Variants in KCNU1 observed in about 807,000 individuals in gnomAD.
KCNU1 encodes the protein potassium calcium-activated channel subfamily U member 1.
A neutral mutation model predicts 126.8 loss-of-function variants in KCNU1; 93 were observed. That is an observed-to-expected ratio of 0.73 (90% CI 0.62 to 0.87). KCNU1 has a LOEUF of 0.87. Ranked by LOEUF, KCNU1 falls within the 40% of genes least tolerant of loss-of-function variation. The pLI, the probability that KCNU1 is intolerant of heterozygous loss-of-function variation, is 0.00. For synonymous variants in KCNU1, 523 were observed against 494.2 expected, an observed-to-expected ratio of 1.06 and a Z score of -0.77; for missense variants, 1,330 against 1,367.1, an observed-to-expected ratio of 0.97 and a Z score of 0.43.
At position 36,814,343 on chromosome 8, in the gene KCNU1, G is replaced by A. The variant is rs572361752; in HGVS notation, c.869G>A (p.Arg290Gln). 1.8e-5 allele frequency: 29 copies of A among 1,612,350 alleles called. No individual in the cohort carries two copies. Among genetic ancestry groups the A allele is most frequent in the African/African-American group, 2.7e-5 (2 of 75,022 alleles). Reference sequence around the variant, plus strand: ...GTGGTAGCCAAGACATCCTTAGGACGGACCTTCATCATGTTCTTCACACTG... The same window carrying A: ...GTGGTAGCCAAGACATCCTTAGGACAGACCTTCATCATGTTCTTCACACTG... ...GDVVAKTSLG[R>Q]TFIMFFTLGS... is the part of the protein sequence containing the mutation. The change falls in exon 8 of 27, where the codon CGG becomes CAG. Residue 290 changes from arginine to glutamine, a missense_variant. By Grantham distance (43) the Arg-to-Gln change is conservative. Coordinates refer to ENST00000399881, the MANE Select transcript of KCNU1 (RefSeq NM_001031836.3).
At chr8:36,796,898 T>G (rs1423686763) in intron 2 of KCNU1, among the ~76,000 whole-genome samples, 1 of 152,168 alleles carries the variant, frequency 6.6e-6, no homozygotes, top group African/African-American at 2.4e-5. Context: ...TTATTGGTAT[T>G]TATATTATAA....
intron 10 of KCNU1, among the ~76,000 whole-genome samples, chr8:36,820,423 T>C (rs1011468785): frequency 4.0e-5 from 6 of 151,878 alleles, no homozygotes; most frequent in Admixed American, 1.3e-4. Flanking sequence ...AATGAGGAAA[T>C]TGCTGTAGGG....
chr8:36,789,940 G>T (rs1379861819), intron 2 of KCNU1, among the ~76,000 whole-genome samples: 1 of 152,188 alleles, frequency 6.6e-6, no homozygotes, highest in Non-Finnish European at 1.5e-5. Flanking sequence ...GAAGAGACTG[G>T]AAAATGGCAC....
At chr8:36,927,989 TGGAA>T (rs893605074) in intron 24 of KCNU1, among the ~76,000 whole-genome samples, 15 of 82,070 alleles carry the variant, frequency 1.8e-4, no homozygotes, top group Admixed American at 3.9e-4. Context: ...GAAAGAAAGA[TGGAA>T]GGAAGGAAGG....
At chr8:36,790,894 C>A (rs1563256806) in intron 2 of KCNU1, among the ~76,000 whole-genome samples, 1 of 151,674 alleles carries the variant, frequency 6.6e-6, no homozygotes, top group South Asian at 2.1e-4. Context: ...TTTTTATATA[C>A]CCTACAAACT....
chr8:36,860,655 A>C lies in KCNU1; in HGVS notation c.1892-3749A>C, dbSNP rs183703237. Among the ~76,000 whole-genome samples the C allele has an allele frequency of 1.6e-3, 248 of 152,312 alleles. 2 individuals carry two copies. The highest frequency in any genetic ancestry group is 4.6e-3 in the African/African-American group (190 of 41,578). ...AGTAGAGGGAATGGGCAATATGAAA[A>C]TAGCCCTTAGGAAAGTTGTGCCCAA... On this transcript the variant is annotated intron_variant, in intron 18 of 26. Coordinates refer to ENST00000399881, the MANE Select transcript of KCNU1 (RefSeq NM_001031836.3).
intron 2 of KCNU1, among the ~76,000 whole-genome samples, chr8:36,791,784 T>C (rs1309695492): frequency 1.3e-5 from 2 of 152,180 alleles, no homozygotes; most frequent in African/African-American, 4.8e-5. Context: ...ACATAAAACA[T>C]ATTGGAAAAG....
chr8:36,919,268 C>T (rs539026958), intron 23 of KCNU1, among the ~76,000 whole-genome samples: 2 of 152,138 alleles, frequency 1.3e-5, no homozygotes, highest in Non-Finnish European at 2.9e-5. Context: ...CCTTCCTTTC[C>T]AGCAGTGACA....
intron 10 of KCNU1, among the ~76,000 whole-genome samples, chr8:36,821,928 T>A (rs749542354): frequency 5.3e-5 from 8 of 152,162 alleles, no homozygotes; most frequent in Non-Finnish European, 1.2e-4. Context: ...TAAGCAACGA[T>A]GTTTGACAGG....
chr8:36,928,439 G>A (rs560965324), intron 24 of KCNU1, among the ~76,000 whole-genome samples: 9 of 152,062 alleles, frequency 5.9e-5, no homozygotes, highest in Admixed American at 2.0e-4. Flanking sequence ...CCCAGATATC[G>A]GGGACTTTAT....
At chr8:36,835,742 T>C (rs1014401602) in intron 12 of KCNU1, among the ~76,000 whole-genome samples, 2 of 152,178 alleles carry the variant, frequency 1.3e-5, no homozygotes, top group Non-Finnish European at 2.9e-5. Flanking sequence ...GTGATTATGA[T>C]GACAATGGCA....
In KCNU1 at chr8:36,841,012, A is replaced by C; in HGVS notation, c.1703+9A>C. On this transcript the variant is annotated intron_variant, in intron 16 of 26. Transcript: ENST00000399881. ...TTTACGGATGGTTTCTGGTACCAAT[A>C]AGTCTGCTCATCTCTTCAGTTGTTT... 5 of 1,485,036 alleles carry C rather than the reference A, an allele frequency of 3.4e-6. No individual in the cohort carries two copies. Among genetic ancestry groups the C allele is most frequent in the Non-Finnish European group, 4.7e-6 (5 of 1,064,406 alleles). 92.0% of individuals were successfully genotyped at this position (1,485,036 alleles called of 1,614,324 possible).
At chr8:36,806,434 A>G in intron 5 of KCNU1, 54 bp downstream of exon 5, 3 of 884,876 alleles carry the variant, frequency 3.4e-6, no homozygotes, top group South Asian at 3.3e-5. Flanking sequence ...TAAAAACTCA[A>G]CATTCATTTG....
intron 18 of KCNU1, among the ~76,000 whole-genome samples, chr8:36,849,679 T>C (rs145837878): frequency 1.3e-5 from 2 of 152,330 alleles, no homozygotes; most frequent in African/African-American, 4.8e-5. Context: ...TGCTGAATAA[T>C]ATTCTGTCAT....
chr8:36,842,159 A>G (rs1274187402), intron 16 of KCNU1, among the ~76,000 whole-genome samples: 1 of 152,204 alleles, frequency 6.6e-6, no homozygotes, highest in Non-Finnish European at 1.5e-5. Context: ...CATTTGTAGA[A>G]TGAGGAAATA....
intron 7 of KCNU1, among the ~76,000 whole-genome samples, chr8:36,812,745 G>C (rs1045213777): frequency 2.6e-5 from 4 of 152,156 alleles, no homozygotes; most frequent in Admixed American, 2.6e-4. Context: ...AGAACAGTGT[G>C]AATAAGTGGA....
At chr8:36,787,834 TA>T (rs1372203226) in intron 2 of KCNU1, among the ~76,000 whole-genome samples, 1 of 143,494 alleles carries the variant, frequency 7.0e-6, no homozygotes, top group Non-Finnish European at 1.5e-5. Flanking sequence ...ATTATATATT[TA>T]TAAATAGTAA....
chr8:36,821,802 A>T (rs1438256290), intron 10 of KCNU1, among the ~76,000 whole-genome samples: 1 of 151,278 alleles, frequency 6.6e-6, no homozygotes, highest in Non-Finnish European at 1.5e-5. Flanking sequence ...CTTTCAGTGC[A>T]GTATTCAGTA....
Position 36,919,009 on chromosome 8 carries a change from G to C in KCNU1, c.2596+112G>C, listed in dbSNP as rs901169658. 3 of 721,078 alleles carry C rather than the reference G, an allele frequency of 4.2e-6. No individual in the cohort carries two copies. The African/African-American group carries it at 5.3e-5, about 13-fold the overall frequency. 44.7% of individuals were successfully genotyped at this position (721,078 alleles called of 1,614,324 possible). On this transcript the variant is annotated intron_variant, in intron 23 of 26. Coordinates refer to ENST00000399881, the MANE Select transcript of KCNU1 (RefSeq NM_001031836.3). ...TCACAGGACTCAGGAACCAGAATGG[G>C]GCTCAGAGCTTTAAGTGCTTGCCCG...
Sources: gnomAD v4.1 joint callset for allele counts (sites outside exome capture counted in the v4.1 genomes callset) on GRCh38, gnomAD v4.1.1 for gene constraint, MANE v1.5 for transcripts, NCBI Gene and HGNC (gene_info 2026-07-23, HGNC 2026-07-21) for gene names.